The following FAT3 variants were observed in gnomAD, a reference collection of about 807,000 sequenced individuals.
FAT3 encodes the protein FAT atypical cadherin 3.
Under a neutral mutation model 310.2 loss-of-function variants are expected in FAT3, and 95 were observed. The observed-to-expected ratio is 0.31, with a 90% CI of 0.26 to 0.36. The LOEUF (loss-of-function observed/expected upper bound fraction) is 0.36. Among genes scored for constraint, FAT3 ranks in the 10% least tolerant of loss-of-function variants. The probability of loss-of-function intolerance (pLI) is 1.00; values close to 1 mark genes in which losing one functional copy is unlikely to be tolerated. For missense variants in FAT3, 5,408 were observed against 5,715.6 expected (o/e 0.95, Z 1.74); for synonymous variants, 2,314 against 2,192.9 (o/e 1.06, Z -1.54).
intron 3 of FAT3, among the ~76,000 whole-genome samples, chr11:92,610,562 A>G (rs1565455481): frequency 6.6e-6 from 1 of 152,106 alleles, no homozygotes; most frequent in East Asian, 1.9e-4. Flanking sequence ...TCGAAGTTAC[A>G]GGCTTCAGAG....
chr11:92,275,913 A>G (rs908418056), intron 1 of FAT3, among the ~76,000 whole-genome samples: 4 of 152,196 alleles, frequency 2.6e-5, no homozygotes, highest in Admixed American at 6.5e-5. Context: ...TGTTTTCACC[A>G]TTAAGATTTG....
chr11:92,779,718 G>A (rs960344341), intron 7 of FAT3, among the ~76,000 whole-genome samples: 2 of 152,098 alleles, frequency 1.3e-5, no homozygotes, highest in African/African-American at 4.8e-5. Flanking sequence ...ATGGGACTTC[G>A]CAGATGTGAT....
intron 2 of FAT3, among the ~76,000 whole-genome samples, chr11:92,361,271 C>A (rs904071143): frequency 6.6e-6 from 1 of 152,202 alleles, no homozygotes; most frequent in Non-Finnish European, 1.5e-5. Context: ...AACTGGCTCA[C>A]TTTCCATTGG....
At chr11:92,235,951 G>A (rs1217767310) in intron 1 of FAT3, among the ~76,000 whole-genome samples, 3 of 152,206 alleles carry the variant, frequency 2.0e-5, no homozygotes, top group African/African-American at 7.2e-5. Flanking sequence ...GGCGTTTGAT[G>A]TTCACAGTCG....
chr11:92,423,639 C>T (rs1020169995), intron 2 of FAT3, among the ~76,000 whole-genome samples: 2 of 152,118 alleles, frequency 1.3e-5, no homozygotes, highest in African/African-American at 4.8e-5. Flanking sequence ...AATATATTCT[C>T]AGCATCCGTA....
chr11:92,806,320 CAAATACT>C (rs1363907769), intron 11 of FAT3, 35 bp from the exon 12 acceptor site: 1 of 1,543,238 alleles, frequency 6.5e-7, no homozygotes, highest in Non-Finnish European at 8.8e-7. Flanking sequence ...ATTGCCCCCA[CAAATACT>C]AATGATTTTA....
At chr11:92,226,184 G>A (rs1863900294) in intron 1 of FAT3, among the ~76,000 whole-genome samples, 1 of 152,158 alleles carries the variant, frequency 6.6e-6, no homozygotes, top group Non-Finnish European at 1.5e-5. Flanking sequence ...TGAGCGCGAG[G>A]ATTCCGCCAG....
chr11:92,780,791 G>C (rs1946725217), intron 7 of FAT3, among the ~76,000 whole-genome samples: 1 of 152,130 alleles, frequency 6.6e-6, no homozygotes, highest in Non-Finnish European at 1.5e-5. Context: ...TCAAAGAAGA[G>C]AGCAAAATAC....
chr11:92,759,492 C>T (rs1946090385), intron 4 of FAT3, among the ~76,000 whole-genome samples: 1 of 152,070 alleles, frequency 6.6e-6, no homozygotes, highest in Non-Finnish European at 1.5e-5. Flanking sequence ...AGAAGGTAGC[C>T]TTAAGGAAGT....
chr11:92,485,829 A>G (rs187171006), intron 2 of FAT3, among the ~76,000 whole-genome samples: 1 of 152,280 alleles, frequency 6.6e-6, no homozygotes, highest in African/African-American at 2.4e-5. Context: ...AACAACCCCT[A>G]ATGATTTGAT....
At chr11:92,274,980 T>G (rs1045409514) in intron 1 of FAT3, among the ~76,000 whole-genome samples, 1 of 152,134 alleles carries the variant, frequency 6.6e-6, no homozygotes, top group Non-Finnish European at 1.5e-5. Flanking sequence ...GTGGCCCTAT[T>G]TGCACACATA....
intron 3 of FAT3, among the ~76,000 whole-genome samples, chr11:92,539,672 C>T (rs1954376746): frequency 6.6e-6 from 1 of 152,088 alleles, no homozygotes; most frequent in Admixed American, 6.6e-5. Context: ...TTTAAGTTGC[C>T]TCTTGGAATT....
At chr11:92,287,588 A>C (rs1478755093) in intron 1 of FAT3, among the ~76,000 whole-genome samples, 1 of 152,186 alleles carries the variant, frequency 6.6e-6, no homozygotes, top group African/African-American at 2.4e-5. Context: ...GGCAGCAATA[A>C]TTAGAAAATC....
At chr11:92,337,244 T>C (rs1948111864) in intron 1 of FAT3, among the ~76,000 whole-genome samples, 1 of 152,194 alleles carries the variant, frequency 6.6e-6, no homozygotes, top group Non-Finnish European at 1.5e-5. Context: ...CAGAAATATG[T>C]GTGAGGCAAA....
intron 3 of FAT3, among the ~76,000 whole-genome samples, chr11:92,562,815 A>T (rs1013430703): frequency 5.9e-5 from 9 of 152,050 alleles, no homozygotes; most frequent in Non-Finnish European, 1.2e-4. Flanking sequence ...ATTTGCCTGG[A>T]TTTTTCTTAT....
At chr11:92,804,628 C>T (rs539570157) in intron 10 of FAT3, among the ~76,000 whole-genome samples, 21 of 152,172 alleles carry the variant, frequency 1.4e-4, no homozygotes, top group Admixed American at 7.2e-4. Context: ...AATGGGCCCT[C>T]CTCTGTCGTG....
intron 4 of FAT3, among the ~76,000 whole-genome samples, chr11:92,707,481 G>T (rs190449060): frequency 2.6e-5 from 4 of 152,322 alleles, no homozygotes; most frequent in African/African-American, 9.6e-5. Flanking sequence ...AGTTCTGGGG[G>T]TTGGTGGGAG....
chr11:92,462,575 A>G (rs757515292), intron 2 of FAT3, among the ~76,000 whole-genome samples: 9 of 152,218 alleles, frequency 5.9e-5, no homozygotes, highest in Non-Finnish European at 1.3e-4. Flanking sequence ...ATAGTAAAGG[A>G]AAGAGTGGAA....
chr11:92,887,649 A>G (rs931581263), intron 25 of FAT3, among the ~76,000 whole-genome samples: 2 of 152,128 alleles, frequency 1.3e-5, no homozygotes, highest in African/African-American at 4.8e-5. Context: ...ATGCACATAC[A>G]CCCAAAATGT....
Sources: allele counts gnomAD v4.1 joint callset (sites outside exome capture counted in the v4.1 genomes callset), GRCh38; gene constraint gnomAD v4.1.1; transcripts MANE v1.5; gene names NCBI Gene and HGNC (gene_info 2026-07-23, HGNC 2026-07-21).